Variants in OSBPL10 observed in about 807,000 individuals in gnomAD.
OSBPL10 encodes the protein oxysterol-binding protein-related protein 10.
A neutral mutation model predicts 81.7 loss-of-function variants in OSBPL10; 49 were observed. The observed-to-expected ratio is 0.60, with a 90% CI of 0.48 to 0.76. OSBPL10 has a LOEUF of 0.76. Ranked by LOEUF, OSBPL10 falls within the 30% of genes least tolerant of loss-of-function variation. OSBPL10 has a pLI of 0.00. For missense variants in OSBPL10, 923 were observed against 987.8 expected (o/e 0.93, Z 0.88); for synonymous variants, 419 against 383.6 (o/e 1.09, Z -1.08).
intron 6 of OSBPL10, among the ~76,000 whole-genome samples, chr3:31,729,781 G>A (rs1335553365): frequency 6.6e-6 from 1 of 152,136 alleles, no homozygotes; most frequent in Non-Finnish European, 1.5e-5. Flanking sequence ...CAGAGGTCAG[G>A]AAGCTGCTGC....
chr3:31,680,009 G>A (rs1202205660), intron 8 of OSBPL10, among the ~76,000 whole-genome samples: 1 of 152,142 alleles, frequency 6.6e-6, no homozygotes, highest in African/African-American at 2.4e-5. Flanking sequence ...CCCAGTCTGG[G>A]CTGAAACACC....
At chr3:31,779,083 C>G (rs113599007) in intron 4 of OSBPL10, among the ~76,000 whole-genome samples, 6,146 of 152,220 alleles carry the variant, frequency 0.04, 144 homozygotes, top group Middle Eastern at 0.088. Flanking sequence ...CCTCTTAAAA[C>G]AAAACCTCAA....
intron 3 of OSBPL10, among the ~76,000 whole-genome samples, chr3:31,835,796 TA>T (rs1700349023): frequency 6.6e-6 from 1 of 152,194 alleles, no homozygotes; most frequent in Admixed American, 6.5e-5. Context: ...AAGCTAAGGA[TA>T]AAAATCCTTT....
At chr3:32,070,653 C>A (rs1699822183) in intron 1 of OSBPL10, among the ~76,000 whole-genome samples, 2 of 152,222 alleles carry the variant, frequency 1.3e-5, no homozygotes, top group Non-Finnish European at 2.9e-5. Flanking sequence ...CCTATAAATT[C>A]TCCTTCCAAT....
intron 1 of OSBPL10, among the ~76,000 whole-genome samples, chr3:31,942,288 A>C (rs1697557164): frequency 6.6e-6 from 1 of 151,734 alleles, no homozygotes; most frequent in Admixed American, 6.6e-5. Flanking sequence ...GCAGTGGCTC[A>C]CGTCTGTAAT....
At chr3:31,741,883 T>C (rs1223847289) in intron 5 of OSBPL10, among the ~76,000 whole-genome samples, 1 of 152,204 alleles carries the variant, frequency 6.6e-6, no homozygotes, top group Admixed American at 6.5e-5. Flanking sequence ...CGGGAGTTTC[T>C]CTGCACAAGC....
chr3:32,055,296 T>C (rs1319393613), intron 1 of OSBPL10, among the ~76,000 whole-genome samples: 1 of 139,658 alleles, frequency 7.2e-6, no homozygotes, highest in Non-Finnish European at 1.5e-5. Context: ...CTCTGCCTCC[T>C]GGGTTCCAGT....
intron 3 of OSBPL10, among the ~76,000 whole-genome samples, chr3:31,857,872 G>C (rs1468846680): frequency 9.2e-6 from 1 of 108,460 alleles, no homozygotes; most frequent in African/African-American, 3.3e-5. Context: ...GAGAGGGAGA[G>C]GGAAAGGGGG....
At chr3:31,794,627 C>A in intron 4 of OSBPL10, 1 of 340,960 alleles carries the variant, frequency 2.9e-6, no homozygotes, top group Non-Finnish European at 5.9e-6. Flanking sequence ...CTTTTATCTT[C>A]CCTGGGTTGT....
chr3:31,876,370 A>C, intron 3 of OSBPL10, 63 bp downstream of exon 3: 1 of 1,406,380 alleles, frequency 7.1e-7, no homozygotes, highest in Non-Finnish European at 1.0e-6. Context: ...GAAGAAACAA[A>C]TAATGGGGCT....
chr3:31,731,591 C>T (rs1018956018), intron 6 of OSBPL10, among the ~76,000 whole-genome samples: 15 of 151,474 alleles, frequency 9.9e-5, no homozygotes, highest in African/African-American at 2.4e-4. Flanking sequence ...TGGGTTGAAG[C>T]GATTCTCCTG....
In OSBPL10 at chr3:31,748,204, G is replaced by A. The variant is rs1167744673; in HGVS notation, c.730-84C>T. 5 of 1,221,088 alleles carry A rather than the reference G, an allele frequency of 4.1e-6. No individual in the cohort carries two copies. The African/African-American group carries it at 4.4e-5, about 11-fold the overall frequency. 75.6% of individuals were successfully genotyped at this position (1,221,088 alleles called of 1,614,324 possible). On this transcript the variant is annotated intron_variant, in intron 4 of 11. Coordinates refer to ENST00000396556, the MANE Select transcript of OSBPL10 (RefSeq NM_017784.5). ...GAGGCGGCAGATAAACCACAGAAGT[G>A]GGTAAAACTAGGTGAGGGTCAACTC...
chr3:31,879,943 G>C, intron 1 of OSBPL10, 113 bp from the exon 2 acceptor site: 1 of 1,159,982 alleles, frequency 8.6e-7, no homozygotes, highest in Non-Finnish European at 1.2e-6. Flanking sequence ...CATCCATGAA[G>C]CTGGAAACCA....
intron 1 of OSBPL10, among the ~76,000 whole-genome samples, chr3:31,891,756 A>AG (rs1255654397): frequency 1.3e-5 from 2 of 152,304 alleles, no homozygotes; most frequent in East Asian, 3.9e-4. Context: ...AACTGTACAT[A>AG]GGTTCTGTGA....
intron 1 of OSBPL10, among the ~76,000 whole-genome samples, chr3:31,971,871 G>A (rs1054101477): frequency 3.3e-5 from 5 of 152,128 alleles, no homozygotes; most frequent in Non-Finnish European, 1.5e-5. Context: ...TTACTATCTG[G>A]CCCTTTACAG....
chr3:32,011,418 A>G (rs1161066100), intron 2 of OSBPL10, among the ~76,000 whole-genome samples: 1 of 152,200 alleles, frequency 6.6e-6, no homozygotes, highest in Non-Finnish European at 1.5e-5. Context: ...CAGAAAGGAC[A>G]TCCACACCAA....
chr3:31,957,284 G>C (rs1418948507), intron 1 of OSBPL10, among the ~76,000 whole-genome samples: 2 of 152,016 alleles, frequency 1.3e-5, no homozygotes, highest in Non-Finnish European at 2.9e-5. Context: ...AGAGACTCCT[G>C]ACTTATTGTC....
chr3:31,893,850 C>A (rs78305978), intron 1 of OSBPL10, among the ~76,000 whole-genome samples: 1 of 152,072 alleles, frequency 6.6e-6, no homozygotes, highest in Admixed American at 6.6e-5. Flanking sequence ...AGGGTGGGAG[C>A]AGGATTAGCT....
chr3:31,809,268 A>G (rs192717806), intron 4 of OSBPL10, among the ~76,000 whole-genome samples: 93 of 152,352 alleles, frequency 6.1e-4, no homozygotes, highest in African/African-American at 2.2e-3. Context: ...CATGCAATCC[A>G]CAGGAAGTAA....
Sources: allele counts gnomAD v4.1 joint callset (sites outside exome capture counted in the v4.1 genomes callset), GRCh38; gene constraint gnomAD v4.1.1; transcripts MANE v1.5; gene names NCBI Gene and HGNC (gene_info 2026-07-23, HGNC 2026-07-21).